SETBP1: variants seen among roughly 807,000 people sequenced by gnomAD.
SETBP1 encodes SET-binding protein.
Under a neutral mutation model 101.0 loss-of-function variants are expected in SETBP1, and 9 were observed. The observed-to-expected ratio is 0.09, with a 90% CI of 0.05 to 0.16. SETBP1 has a LOEUF of 0.16. Among genes scored for constraint, SETBP1 ranks in the 10% least tolerant of loss-of-function variants. The pLI, the probability that SETBP1 is intolerant of heterozygous loss-of-function variation, is 1.00. For missense variants in SETBP1, 1,858 were observed against 2,033.8 expected (o/e 0.91, Z 1.66); for synonymous variants, 818 against 788.5 (o/e 1.04, Z -0.63).
At chr18:44,826,184 G>C (rs995185379) in intron 2 of SETBP1, among the ~76,000 whole-genome samples, 2 of 152,114 alleles carry the variant, frequency 1.3e-5, no homozygotes, top group Non-Finnish European at 2.9e-5. Context: ...AAATATACTT[G>C]GTCCTTTGGA....
chr18:44,899,021 A>G lies in SETBP1; in HGVS notation c.540+29738A>G, dbSNP rs56201732. ...AGTTTGGAAAACAGCCCTGGGTCTCATATCGGGAGATACTGGGTTCTAGTC... is the reference window on the plus strand; with the variant it reads ...AGTTTGGAAAACAGCCCTGGGTCTCGTATCGGGAGATACTGGGTTCTAGTC... On this transcript the variant is annotated intron_variant, in intron 3 of 5. Transcript: ENST00000649279. 3.2e-3 allele frequency among the ~76,000 whole-genome samples: 493 copies of G among 152,328 alleles called. 3 individuals are homozygous for G. The highest frequency in any genetic ancestry group is 4.8e-3 in the Non-Finnish European group (324 of 68,020).
intron 2 of SETBP1, among the ~76,000 whole-genome samples, chr18:44,745,619 A>C (rs2070222882): frequency 1.3e-5 from 2 of 152,238 alleles, no homozygotes; most frequent in Admixed American, 1.3e-4. Context: ...TTCAGTGAAA[A>C]ATACAGCCAG....
intron 2 of SETBP1, among the ~76,000 whole-genome samples, chr18:44,778,008 G>A (rs532193237): frequency 3.5e-4 from 53 of 152,210 alleles, no homozygotes; most frequent in Non-Finnish European, 6.8e-4. Context: ...CCTGGGGCAT[G>A]AAAATCAAGC....
intron 2 of SETBP1, among the ~76,000 whole-genome samples, chr18:44,840,770 A>G (rs1201642337): frequency 1.3e-5 from 2 of 152,342 alleles, no homozygotes; most frequent in Non-Finnish European, 1.5e-5. Flanking sequence ...GTTCATTGGT[A>G]CTCAATTCTG....
At position 44,917,322 on chromosome 18, in the gene SETBP1, G is replaced by T. The variant is rs2070452314; in HGVS notation, c.541-32559G>T. On this transcript the variant is annotated intron_variant, in intron 3 of 5. Transcript: ENST00000649279. ...CAGTGCTTTCCAAGTGCTGTGTAGG[G>T]CCCACTCTAGGGTCACTGCCTGGGG... 1.3e-5 allele frequency among the ~76,000 whole-genome samples: 2 copies of T among 152,138 alleles called. 1 individual carries two copies. The highest frequency in any genetic ancestry group is 4.1e-4 in the South Asian group (2 of 4,826).
Position 44,952,263 on chromosome 18 carries a change from A to G in SETBP1, c.2923A>G (p.Thr975Ala), listed in dbSNP as rs1443631288. Residue 975 changes from threonine to alanine, a missense_variant, in exon 4 of 6, where the codon ACC becomes GCC. Physicochemically the swap from Thr to Ala is moderately conservative, Grantham distance 58. Around this residue, in one of 12 missense-constraint regions of SETBP1, gnomAD observed 255 missense variants for 300.1 expected, o/e 0.85. Transcript: ENST00000649279. ...QVFRISHRSY[T>A]FYHENPYPSI... ...GTTCAGAATCTCCCACCGGAGTTAC[A>G]CCTTCTACCACGAGAATCCATATCC... 2.5e-6 allele frequency: 4 copies of G among 1,614,010 alleles called. No homozygotes were observed. The highest frequency in any genetic ancestry group is 1.3e-5 in the African/African-American group (1 of 74,890).
At chr18:44,947,387 T>C (rs761335209) in intron 3 of SETBP1, among the ~76,000 whole-genome samples, 1 of 151,888 alleles carries the variant, frequency 6.6e-6, no homozygotes, top group Non-Finnish European at 1.5e-5. Flanking sequence ...CTGTGGACTT[T>C]GGTGCCCAGA....
chr18:44,945,358 T>G (rs146594201), intron 3 of SETBP1, among the ~76,000 whole-genome samples: 1 of 152,308 alleles, frequency 6.6e-6, no homozygotes, highest in African/African-American at 2.4e-5. Context: ...GGGGAGAGAA[T>G]AGCTATCTAC....
intron 2 of SETBP1, among the ~76,000 whole-genome samples, chr18:44,853,808 G>A (rs973084218): frequency 1.3e-5 from 2 of 152,020 alleles, no homozygotes; most frequent in East Asian, 1.9e-4. Flanking sequence ...CTTCCAACGT[G>A]CAAATTACTT....
chr18:45,047,468 A>G (rs1266276963), intron 5 of SETBP1, among the ~76,000 whole-genome samples: 1 of 152,162 alleles, frequency 6.6e-6, no homozygotes, highest in Non-Finnish European at 1.5e-5. Flanking sequence ...TAGAAGTCTA[A>G]TTAGATTGTT....
chr18:44,787,497 A>C (rs1348264270), intron 2 of SETBP1, among the ~76,000 whole-genome samples: 1 of 152,182 alleles, frequency 6.6e-6, no homozygotes, highest in Non-Finnish European at 1.5e-5. Context: ...ATACACAGAC[A>C]TGGAGTTTCT....
intron 2 of SETBP1, among the ~76,000 whole-genome samples, chr18:44,799,285 C>T (rs2071547800): frequency 6.6e-6 from 1 of 152,066 alleles, no homozygotes; most frequent in Admixed American, 6.6e-5. Context: ...GTTCTCTCTG[C>T]TTGGGATTTT....
chr18:44,786,004 A>G (rs1033149732), intron 2 of SETBP1, among the ~76,000 whole-genome samples: 2 of 152,190 alleles, frequency 1.3e-5, no homozygotes, highest in Non-Finnish European at 2.9e-5. Flanking sequence ...CTGTTTTTAC[A>G]TATGACCTTC....
In SETBP1 at chr18:44,701,840, G is replaced by A. The variant is rs2069121389; in HGVS notation, c.486+8G>A. On this transcript the variant is annotated splice_region_variant and intron_variant, in intron 2 of 5. Coordinates refer to ENST00000649279, the MANE Select transcript of SETBP1 (RefSeq NM_015559.3). ...AGCCACTCCAAAAAGAAGGTAGGAA[G>A]CCCTGTCTTATGGTTGTTTTTGTTT... 6.2e-7 allele frequency: 1 copy of A among 1,611,428 alleles called. No individual in the cohort carries two copies. The highest frequency in any genetic ancestry group is 2.2e-5 in the East Asian group (1 of 44,872).
intron 3 of SETBP1, among the ~76,000 whole-genome samples, chr18:44,945,421 C>T (rs1291754122): frequency 2.0e-5 from 3 of 152,190 alleles, no homozygotes; most frequent in Non-Finnish European, 4.4e-5. Context: ...TGAAGAAATA[C>T]TGTAAGCACA....
chr18:44,809,642 T>C (rs529082247), intron 2 of SETBP1, among the ~76,000 whole-genome samples: 1 of 152,166 alleles, frequency 6.6e-6, no homozygotes, highest in Admixed American at 6.5e-5. Context: ...ACAGATGATG[T>C]TGTTCTTTTA....
rs1351746132 is a variant in SETBP1 at position 45,065,563 on chromosome 18, C to T, written c.*1865C>T. The T allele has an allele frequency of 1.3e-5, 2 of 152,120 alleles. No homozygotes were observed. Among genetic ancestry groups the T allele is most frequent in the Non-Finnish European group, 2.9e-5 (2 of 68,034 alleles). 9.4% of individuals were successfully genotyped at this position (152,120 alleles called of 1,614,324 possible). A position where few individuals can be genotyped will look rare whatever the true frequency, so the allele number is the denominator to read the frequency against. On this transcript the variant is annotated 3_prime_UTR_variant, in exon 6 of 6. Transcript: ENST00000649279. ...TCTATGTGAGTAAATTTTTAAATTC[C>T]AAGTTAATATGCTTGCAAACATTAC...
chr18:44,739,684 A>C (rs1201384290), intron 2 of SETBP1, among the ~76,000 whole-genome samples: 1 of 152,208 alleles, frequency 6.6e-6, no homozygotes, highest in Non-Finnish European at 1.5e-5. Context: ...TTGGTTATTC[A>C]ACTTGTATCA....
intron 2 of SETBP1, among the ~76,000 whole-genome samples, chr18:44,763,911 CCTCTT>C (rs1447212154): frequency 2.0e-4 from 31 of 152,266 alleles, no homozygotes; most frequent in African/African-American, 7.5e-4. Context: ...AGTTCTCCAC[CCTCTT>C]CTCTTCTCTG....
Sources: gnomAD v4.1 joint callset for allele counts (sites outside exome capture counted in the v4.1 genomes callset) on GRCh38, gnomAD v4.1.1 for gene constraint, gnomAD v4.1.1 regional missense constraint, MANE v1.5 for transcripts, NCBI Gene and HGNC (gene_info 2026-07-23, HGNC 2026-07-21) for gene names.